JMY: variants seen among roughly 807,000 people sequenced by gnomAD.
The protein encoded by JMY is junction-mediating and -regulatory protein.
In JMY, 46 loss-of-function variants were observed where a neutral mutation model predicts 103.3. That is an observed-to-expected ratio of 0.45 (90% confidence interval 0.35 to 0.57). The LOEUF (loss-of-function observed/expected upper bound fraction) is 0.57. Ranked by LOEUF, JMY falls within the 20% of genes least tolerant of loss-of-function variation. The pLI is 0.00. For synonymous variants in JMY, 526 were observed against 489.3 expected, an observed-to-expected ratio of 1.07 and a Z score of -0.99; for missense variants, 1,238 against 1,255.2, an observed-to-expected ratio of 0.99 and a Z score of 0.21.
At chr5:79,262,053 C>T (rs1216261255) in intron 1 of JMY, among the ~76,000 whole-genome samples, 2 of 152,218 alleles carry the variant, frequency 1.3e-5, no homozygotes, top group Non-Finnish European at 2.9e-5. Flanking sequence ...TTTGTCCTTC[C>T]TTTCTGCTGA....
chr5:79,238,020 C>T (rs1744579080), intron 1 of JMY, among the ~76,000 whole-genome samples: 1 of 152,192 alleles, frequency 6.6e-6, no homozygotes, highest in Non-Finnish European at 1.5e-5. Flanking sequence ...ACCCCTAAAG[C>T]TCTTCCAGCA....
chr5:79,301,302 A>AGTGC (rs1435577253), intron 6 of JMY, among the ~76,000 whole-genome samples: 3 of 152,184 alleles, frequency 2.0e-5, no homozygotes, highest in African/African-American at 7.2e-5. Flanking sequence ...CTGTGTCTTA[A>AGTGC]AAAATGTTTT....
intron 2 of JMY, among the ~76,000 whole-genome samples, chr5:79,278,508 T>C (rs1455767523): frequency 7.2e-6 from 1 of 138,540 alleles, no homozygotes; most frequent in Non-Finnish European, 1.5e-5. Context: ...TCTCAACATT[T>C]TGGGATGCTG....
At chr5:79,270,567 TAAA>T (rs1245923590) in intron 1 of JMY, among the ~76,000 whole-genome samples, 1 of 131,392 alleles carries the variant, frequency 7.6e-6, no homozygotes, top group Non-Finnish European at 1.6e-5. Context: ...CATAAATATT[TAAA>T]ATGTATATTT....
In JMY at chr5:79,237,567, C is replaced by A; in HGVS notation, c.917C>A (p.Ser306Tyr). The A allele has an allele frequency of 3.1e-6, 5 of 1,613,640 alleles. No individual in the cohort carries two copies. Among genetic ancestry groups the A allele is most frequent in the Non-Finnish European group, 4.2e-6 (5 of 1,180,008 alleles). ...GACACCTGCGGCTGGAAGATCCTCT[C>A]CCAGGTGCTCTTCACCGAGACCGAT... ...GLDTCGWKIL[S>Y]QVLFTETDDP... is the part of the protein sequence containing the mutation. The change falls in exon 1 of 11, where the codon TCC becomes TAC. Residue 306 changes from serine to tyrosine, a missense_variant. Transcript: ENST00000396137.
At chr5:79,291,023 A>G in intron 3 of JMY, 107 bp from the exon 4 acceptor site, 1 of 749,248 alleles carries the variant, frequency 1.3e-6, no homozygotes, top group Non-Finnish European at 2.0e-6. Flanking sequence ...GCAGTTTATC[A>G]TGACAGCAGG....
At chr5:79,315,085 C>G (rs919012591) in intron 9 of JMY, among the ~76,000 whole-genome samples, 1 of 152,036 alleles carries the variant, frequency 6.6e-6, no homozygotes, top group African/African-American at 2.4e-5. Context: ...GTGATACATT[C>G]ATGTTTGGTA....
intron 4 of JMY, among the ~76,000 whole-genome samples, chr5:79,292,387 A>G (rs927984327): frequency 1.3e-5 from 2 of 151,960 alleles, no homozygotes; most frequent in South Asian, 4.2e-4. Context: ...TGCGATCACA[A>G]CTCACTGCAG....
intron 1 of JMY, 32 bp from the exon 2 acceptor site, chr5:79,277,878 T>A: frequency 6.3e-7 from 1 of 1,583,834 alleles, no homozygotes; most frequent in African/African-American, 1.3e-5. Flanking sequence ...TAGAATTGAT[T>A]TTCTTAGTTG....
At chr5:79,242,031 G>A (rs1451872660) in intron 1 of JMY, among the ~76,000 whole-genome samples, 1 of 152,140 alleles carries the variant, frequency 6.6e-6, no homozygotes, top group African/African-American at 2.4e-5. Flanking sequence ...TAACTGTGGT[G>A]CTTTAGATAG....
Position 79,314,582 on chromosome 5 carries a change from C to A in JMY, c.2390C>A (p.Ser797Tyr), listed in dbSNP as rs1747148562. 1.2e-6 allele frequency: 2 copies of A among 1,614,120 alleles called. No individual in the cohort carries two copies. Among genetic ancestry groups the A allele is most frequent in the Non-Finnish European group, 1.7e-6 (2 of 1,179,984 alleles). The change falls in exon 9 of 11, where the codon TCT becomes TAT. Residue 797 changes from serine to tyrosine, a missense_variant. Coordinates refer to ENST00000396137, the MANE Select transcript of JMY (RefSeq NM_152405.5). ...PLLNNNLEPC[S>Y]VTINPLPSPL... ...TTGAATAACAACCTCGAACCATGTTCTGTTACCATAAATCCACTCCCATCC... is the reference window on the plus strand; with the variant it reads ...TTGAATAACAACCTCGAACCATGTTATGTTACCATAAATCCACTCCCATCC...
At chr5:79,306,635 C>A (rs769763179) in intron 7 of JMY, among the ~76,000 whole-genome samples, 174 bp downstream of exon 7, 4 of 151,978 alleles carry the variant, frequency 2.6e-5, no homozygotes, top group Non-Finnish European at 4.4e-5. Flanking sequence ...GTTCCTATAC[C>A]CTCAACCCGC....
chr5:79,262,181 ATCT>A (rs1302418238), intron 1 of JMY, among the ~76,000 whole-genome samples: 2 of 152,206 alleles, frequency 1.3e-5, no homozygotes, highest in African/African-American at 4.8e-5. Context: ...CTCTCAGTGA[ATCT>A]TCTCAAATTT....
rs1747585135 is a variant in JMY at position 79,324,953 on chromosome 5, C to T, written c.*3351C>T. On this transcript the variant is annotated 3_prime_UTR_variant, in exon 11 of 11. Coordinates refer to ENST00000396137, the MANE Select transcript of JMY (RefSeq NM_152405.5). ...TGAACTATGTAGTAATATTTGGTAA[C>T]ATATGGCATGGCCACTTTATATCAC... 6.6e-6 allele frequency: 1 copy of T among 152,626 alleles called. No individual in the cohort carries two copies. Among genetic ancestry groups the T allele is most frequent in the South Asian group, 2.1e-4 (1 of 4,826 alleles). 9.5% of individuals were successfully genotyped at this position (152,626 alleles called of 1,614,324 possible). A position where few individuals can be genotyped will look rare whatever the true frequency, so the allele number is the denominator to read the frequency against.
chr5:79,275,967 G>C (rs993583250), intron 1 of JMY, among the ~76,000 whole-genome samples: 4 of 152,216 alleles, frequency 2.6e-5, no homozygotes, highest in Non-Finnish European at 5.9e-5. Context: ...AATAAGTGGG[G>C]AGAAAGATAG....
chr5:79,270,394 A>G (rs1048440082), intron 1 of JMY, among the ~76,000 whole-genome samples: 1,374 of 119,080 alleles, frequency 0.012, 54 homozygotes, highest in African/African-American at 0.03. Flanking sequence ...TACATAAAAT[A>G]TATATTTACA....
At chr5:79,248,601 G>A (rs1374485098) in intron 1 of JMY, among the ~76,000 whole-genome samples, 7 of 151,792 alleles carry the variant, frequency 4.6e-5, no homozygotes, top group African/African-American at 9.7e-5. Context: ...GAGCCACCGC[G>A]CCGGCCTCCT....
Position 79,237,136 on chromosome 5 carries a change from G to C in JMY, c.486G>C (p.Gly162=), listed in dbSNP as rs1320126726. The C allele has an allele frequency of 6.5e-7, 1 of 1,547,564 alleles. No individual in the cohort carries two copies. The highest frequency in any genetic ancestry group is 1.4e-5 in the African/African-American group (1 of 72,990). ...QKTSEADDAA[G]AAAAAARPAP... is the part of the protein sequence containing the mutation. ...CATCTGAAGCCGACGATGCGGCGGG[G>C]GCAGCCGCTGCAGCAGCCCGGCCGG... The change falls in exon 1 of 11, where the codon GGG becomes GGC. Residue 162 remains glycine, a synonymous_variant. Coordinates refer to ENST00000396137, the MANE Select transcript of JMY (RefSeq NM_152405.5).
chr5:79,244,095 G>A (rs1744821001), intron 1 of JMY, among the ~76,000 whole-genome samples: 3 of 151,626 alleles, frequency 2.0e-5, no homozygotes, highest in Admixed American at 2.0e-4. Flanking sequence ...CCACTGCCCG[G>A]CTTCTAGCGA....
Sources: allele counts gnomAD v4.1 joint callset (sites outside exome capture counted in the v4.1 genomes callset), GRCh38; gene constraint gnomAD v4.1.1; transcripts MANE v1.5; gene names NCBI Gene and HGNC (gene_info 2026-07-23, HGNC 2026-07-21).